AUH: variants seen among roughly 807,000 people sequenced by gnomAD.
AUH encodes the protein AU RNA binding methylglutaconyl-CoA hydratase, also known as methylglutaconyl-CoA hydratase, mitochondrial.
In AUH, 29 loss-of-function variants were observed where a neutral mutation model predicts 42.3. That is an observed-to-expected ratio of 0.69 (90% CI 0.51 to 0.93). The LOEUF (loss-of-function observed/expected upper bound fraction) is 0.93, where lower values mean the gene tolerates loss of function less well. Ranked by LOEUF, AUH falls within the 40% of genes least tolerant of loss-of-function variation. AUH has a pLI of 0.00. For synonymous variants in AUH, 174 were observed against 166.4 expected, an observed-to-expected ratio of 1.05 and a Z score of -0.35; for missense variants, 452 against 438.1, an observed-to-expected ratio of 1.03 and a Z score of -0.28.
intron 6 of AUH, among the ~76,000 whole-genome samples, chr9:91,285,014 T>C (rs1314587345): frequency 6.6e-6 from 1 of 152,194 alleles, no homozygotes; most frequent in East Asian, 1.9e-4. Context: ...TGCACACGTA[T>C]GTTTATTGCG....
At chr9:91,319,715 A>G (rs1829424774) in intron 4 of AUH, among the ~76,000 whole-genome samples, 1 of 152,216 alleles carries the variant, frequency 6.6e-6, no homozygotes, top group Admixed American at 6.5e-5. Flanking sequence ...AACACACTGC[A>G]CGTGCAGCCC....
intron 4 of AUH, among the ~76,000 whole-genome samples, chr9:91,304,932 G>C (rs1445391898): frequency 6.6e-6 from 1 of 152,136 alleles, no homozygotes; most frequent in East Asian, 1.9e-4. Context: ...TTCACTTTTT[G>C]AGGTTTCAGT....
Position 91,361,897 on chromosome 9 carries a change from G to A in AUH, c.-8C>T. 1 of 1,448,032 alleles carries A rather than the reference G, an allele frequency of 6.9e-7. No individual in the cohort carries two copies. The highest frequency in any genetic ancestry group is 2.6e-5 in the Admixed American group (1 of 38,252). The allele number at this position is 1,448,032 out of a possible 1,614,324, so 89.7% of individuals were successfully genotyped here. On this transcript the variant is annotated 5_prime_UTR_variant, in exon 1 of 10. Coordinates refer to ENST00000375731, the MANE Select transcript of AUH (RefSeq NM_001698.3). ...CGCCACCGCGGCCGCCATGTTGTCTGTTTACGGCGTGGACCTGCGACGGCC... is the reference window on the plus strand; with the variant it reads ...CGCCACCGCGGCCGCCATGTTGTCTATTTACGGCGTGGACCTGCGACGGCC...
intron 6 of AUH, among the ~76,000 whole-genome samples, chr9:91,265,789 A>G (rs1286017104): frequency 1.3e-5 from 2 of 152,186 alleles, no homozygotes; most frequent in Non-Finnish European, 2.9e-5. Flanking sequence ...GAAAACTTGC[A>G]TATCTTCAGA....
Position 91,361,627 on chromosome 9 carries a change from C to A in AUH, c.262+1G>T. 1.3e-6 allele frequency: 2 copies of A among 1,580,192 alleles called. No individual in the cohort carries two copies. Among genetic ancestry groups the A allele is most frequent in the East Asian group, 4.7e-5 (2 of 42,914 alleles). ...GCGCCTGCCCAGCGTTCGCACCTCA[C>A]CTCGGTTCTCCTCCTCCAGGTGCCG... On this transcript the variant is annotated splice_donor_variant, in intron 1 of 9. Coordinates refer to ENST00000375731, the MANE Select transcript of AUH (RefSeq NM_001698.3). LOFTEE classifies it high-confidence loss of function.
rs187230813 is a variant in AUH at position 91,255,165 on chromosome 9, T to C, written c.656-34173A>G. Among the ~76,000 whole-genome samples the C allele has an allele frequency of 2.1e-3, 314 of 152,318 alleles. 1 individual carries two copies. Among genetic ancestry groups the C allele is most frequent in the African/African-American group, 7.2e-3 (301 of 41,574 alleles). On this transcript the variant is annotated intron_variant, in intron 6 of 9. Coordinates refer to ENST00000375731, the MANE Select transcript of AUH (RefSeq NM_001698.3). ...AAGTCACTAAACACTAGTATGTATA[T>C]ATTAGTATCAGAGCAAACTAGTTAA...
At chr9:91,254,055 G>T (rs1194851715) in intron 6 of AUH, among the ~76,000 whole-genome samples, 1 of 152,142 alleles carries the variant, frequency 6.6e-6, no homozygotes, top group African/African-American at 2.4e-5. Flanking sequence ...CATACTTAAA[G>T]ATTGATCCAT....
chr9:91,279,879 T>G (rs1259363445), intron 6 of AUH, among the ~76,000 whole-genome samples: 1 of 152,224 alleles, frequency 6.6e-6, no homozygotes, highest in Non-Finnish European at 1.5e-5. Context: ...TGTTTAACCA[T>G]AAATGTTACT....
intron 6 of AUH, among the ~76,000 whole-genome samples, chr9:91,255,162 AT>A (rs1829342757): frequency 1.3e-5 from 2 of 152,228 alleles, no homozygotes; most frequent in African/African-American, 4.8e-5. Context: ...ACTAGTATGT[AT>A]ATATTAGTAT....
chr9:91,317,949 T>C (rs1466592359), intron 4 of AUH, among the ~76,000 whole-genome samples: 2 of 152,244 alleles, frequency 1.3e-5, no homozygotes, highest in Non-Finnish European at 2.9e-5. Flanking sequence ...GAAACCACCA[T>C]TGCCTTCCTG....
At chr9:91,270,017 C>CA (rs1347594006) in intron 6 of AUH, among the ~76,000 whole-genome samples, 1 of 152,176 alleles carries the variant, frequency 6.6e-6, no homozygotes, top group African/African-American at 2.4e-5. Context: ...CAAACTCTAT[C>CA]AAGTGAGCCA....
chr9:91,265,489 T>A (rs530726150), intron 6 of AUH, among the ~76,000 whole-genome samples: 2 of 152,326 alleles, frequency 1.3e-5, no homozygotes, highest in South Asian at 4.1e-4. Context: ...CTCCATGACC[T>A]CTTGGTTATG....
intron 6 of AUH, among the ~76,000 whole-genome samples, chr9:91,278,304 G>A (rs368446197): frequency 2.6e-5 from 4 of 152,164 alleles, no homozygotes; most frequent in South Asian, 2.1e-4. Flanking sequence ...GTAATCTTAC[G>A]CGTAGCAAAA....
At chr9:91,357,446 T>C in intron 1 of AUH, 1 of 936,418 alleles carries the variant, frequency 1.1e-6, no homozygotes, top group Non-Finnish European at 1.3e-6. Flanking sequence ...CAGCTAAGAC[T>C]AGATGTGTCC....
chr9:91,219,034 C>A (rs1473096965), intron 7 of AUH: 1 of 985,300 alleles, frequency 1.0e-6, no homozygotes, highest in African/African-American at 1.7e-5. Context: ...GGCACATGCA[C>A]AGGGACTGTG....
intron 6 of AUH, among the ~76,000 whole-genome samples, chr9:91,287,749 G>A (rs567801126): frequency 1.3e-5 from 2 of 151,926 alleles, no homozygotes; most frequent in South Asian, 2.1e-4. Context: ...ACAAAAAGAC[G>A]GCTACAGACA....
At chr9:91,267,936 T>C (rs3811122) in intron 6 of AUH, among the ~76,000 whole-genome samples, 11,355 of 152,166 alleles carry the variant, frequency 0.075, 690 homozygotes, top group East Asian at 0.26. Flanking sequence ...ATATTGCACT[T>C]TTGCCCAGAG....
chr9:91,275,033 A>G (rs1825433730), intron 6 of AUH, among the ~76,000 whole-genome samples: 1 of 152,232 alleles, frequency 6.6e-6, no homozygotes, highest in Non-Finnish European at 1.5e-5. Context: ...CATTAACACT[A>G]AAACACATTA....
intron 6 of AUH, among the ~76,000 whole-genome samples, chr9:91,238,171 T>C (rs1002866971): frequency 6.6e-6 from 1 of 152,228 alleles, no homozygotes; most frequent in Non-Finnish European, 1.5e-5. Context: ...GTTGCATAAA[T>C]ATCACAAATG....
Sources: gnomAD v4.1 joint callset for allele counts (sites outside exome capture counted in the v4.1 genomes callset) on GRCh38, gnomAD v4.1.1 for gene constraint, MANE v1.5 for transcripts, NCBI Gene and HGNC (gene_info 2026-07-23, HGNC 2026-07-21) for gene names.